HAO1: variants seen among roughly 807,000 people sequenced by gnomAD.
HAO1 encodes 2-Hydroxyacid oxidase 1.
HAO1 carries 34 observed loss-of-function variants against 39.7 expected under a neutral mutation model. That is an observed-to-expected ratio of 0.86 (90% confidence interval 0.65 to 1.14). HAO1 has a LOEUF of 1.14. Ranked by LOEUF, HAO1 falls within the 50% of genes most tolerant of loss-of-function variation. The pLI is 0.00. For synonymous variants in HAO1, 172 were observed against 173.2 expected, an observed-to-expected ratio of 0.99 and a Z score of 0.05; for missense variants, 479 against 464.5, an observed-to-expected ratio of 1.03 and a Z score of -0.29.
At chr20:7,936,673 A>G (rs2050413905) in intron 1 of HAO1, among the ~76,000 whole-genome samples, 1 of 152,018 alleles carries the variant, frequency 6.6e-6, no homozygotes, top group African/African-American at 2.4e-5. Flanking sequence ...TTGGTGGCGC[A>G]GTCACTTTAG....
intron 2 of HAO1, among the ~76,000 whole-genome samples, chr20:7,933,546 A>G (rs1406740600): frequency 6.6e-6 from 1 of 152,212 alleles, no homozygotes; most frequent in Non-Finnish European, 1.5e-5. Flanking sequence ...GGAAGCTGCT[A>G]AGTCTGTCCA....
chr20:7,929,094 TGTTTC>T (rs1382386318), intron 2 of HAO1, among the ~76,000 whole-genome samples: 1 of 148,160 alleles, frequency 6.7e-6, no homozygotes, highest in Non-Finnish European at 1.5e-5. Flanking sequence ...TTTGTTTGTT[TGTTTC>T]AATTTCATCT....
chr20:7,883,959 T>G (rs1467673861), intron 7 of HAO1, among the ~76,000 whole-genome samples: 1 of 152,188 alleles, frequency 6.6e-6, no homozygotes, highest in East Asian at 1.9e-4. Context: ...AAATGCATAG[T>G]GAGGATTCAC....
chr20:7,887,130 C>A (rs1391598937), intron 5 of HAO1, among the ~76,000 whole-genome samples: 1 of 152,150 alleles, frequency 6.6e-6, no homozygotes, highest in Non-Finnish European at 1.5e-5. Context: ...TGTCATATGG[C>A]AGTAGCTAAC....
chr20:7,927,362 A>C (rs2050364146), intron 2 of HAO1, among the ~76,000 whole-genome samples: 1 of 152,170 alleles, frequency 6.6e-6, no homozygotes, highest in African/African-American at 2.4e-5. Flanking sequence ...TCTTTAAAGA[A>C]TATAAAGAAA....
In HAO1 at chr20:7,890,452, G is replaced by A. The variant is rs375220439; in HGVS notation, c.814-4588C>T. Among the ~76,000 whole-genome samples the A allele has an allele frequency of 1.3e-4, 20 of 152,246 alleles. No individual in the cohort carries two copies. The East Asian group carries it at 3.9e-3, about 29-fold the overall frequency. ...TGGTCTCGAACTCCTGACCTCAGGT[G>A]ATCTGCCCGTCTTGGCCTCCCAAAG... On this transcript the variant is annotated intron_variant, in intron 5 of 7. Coordinates refer to ENST00000378789, the MANE Select transcript of HAO1 (RefSeq NM_017545.3).
rs185772453 is a variant in HAO1, at chr20:7,940,435, T to C, written c.-13A>G. The stretch of plus-strand genomic sequence containing the variant: ...GCCGGGGGAGCATTTTCACAGGTTA[T>C]TGCTATCCCAGATGGAGTTCGTTGT... On this transcript the variant is annotated 5_prime_UTR_variant, in exon 1 of 8. Coordinates refer to ENST00000378789, the MANE Select transcript of HAO1 (RefSeq NM_017545.3). 16 of 1,593,106 alleles carry C rather than the reference T, an allele frequency of 1.0e-5. No homozygotes were observed. In the Admixed American group the frequency reaches 2.4e-4, roughly 24 times the overall value.
chr20:7,909,039 C>T (rs774255513), intron 3 of HAO1, among the ~76,000 whole-genome samples: 2 of 151,990 alleles, frequency 1.3e-5, no homozygotes, highest in Non-Finnish European at 2.9e-5. Context: ...TGGCACCCCA[C>T]CCCCATCCCA....
chr20:7,911,068 G>A (rs1012242813), intron 3 of HAO1, among the ~76,000 whole-genome samples: 9 of 152,306 alleles, frequency 5.9e-5, no homozygotes, highest in South Asian at 2.1e-4. Context: ...CAAAGGCTCC[G>A]GGGTTCCAGC....
rs778830796 is a variant in HAO1 at position 7,914,314 on chromosome 20, T to C, written c.395A>G (p.Tyr132Cys). 66 of 1,614,034 alleles carry C rather than the reference T, an allele frequency of 4.1e-5. No homozygotes were observed. The highest frequency in any genetic ancestry group is 1.7e-4 in the Middle Eastern group (1 of 6,060). ...GPEALRWLQLYIYKDREVTKK... is the reference protein window; with the variant it reads ...GPEALRWLQLCIYKDREVTKK... ...GGTGACTTCTCGGTCCTTGTAGATA[T>C]ACAGTTGCAGCCAACGAAGTGCCTC... The change falls in exon 3 of 8, where the codon TAT (tyrosine) becomes TGT (cysteine). Residue 132 changes from tyrosine (Y) to cysteine (C), a missense_variant. Physicochemically the swap from Tyr to Cys is radical, Grantham distance 194. Coordinates refer to ENST00000378789, the MANE Select transcript of HAO1 (RefSeq NM_017545.3).
At chr20:7,918,607 G>A (rs1416369310) in intron 2 of HAO1, among the ~76,000 whole-genome samples, 2 of 152,134 alleles carry the variant, frequency 1.3e-5, no homozygotes, top group Non-Finnish European at 2.9e-5. Flanking sequence ...AAACATCAGT[G>A]CCGGCAGAGC....
rs573512699 is a variant in HAO1, at chr20:7,903,888, T to C, written c.721+2266A>G. Among the ~76,000 whole-genome samples the C allele has an allele frequency of 1.2e-3, 172 of 138,056 alleles. 2 individuals are homozygous for C. Among genetic ancestry groups the C allele is most frequent in the African/African-American group, 4.2e-3 (160 of 38,014 alleles). 90.6% of individuals were successfully genotyped at this position (138,056 alleles called of 152,430 possible). On this transcript the variant is annotated intron_variant, in intron 4 of 7. Coordinates refer to ENST00000378789, the MANE Select transcript of HAO1 (RefSeq NM_017545.3). ...GTGGTGGTGGTGGTGGTGGTGGTGGTGGTGGTGGTGGTGGCAGTGGTCCTA... is the reference window on the plus strand; with the variant it reads ...GTGGTGGTGGTGGTGGTGGTGGTGGCGGTGGTGGTGGTGGCAGTGGTCCTA...
At chr20:7,887,290 G>A (rs1164483886) in intron 5 of HAO1, among the ~76,000 whole-genome samples, 1 of 152,182 alleles carries the variant, frequency 6.6e-6, no homozygotes, top group East Asian at 1.9e-4. Flanking sequence ...TAAAATGTAT[G>A]CTGAGGAAGC....
chr20:7,883,589 A>C lies in HAO1; in HGVS notation c.*4T>G. 1 of 1,605,276 alleles carries C rather than the reference A, an allele frequency of 6.2e-7. No individual in the cohort carries two copies. The highest frequency in any genetic ancestry group is 8.5e-7 in the Non-Finnish European group (1 of 1,172,008). ...TAATACAGATGGGAAAATATTGTGCACTGTCAGATCTTGGAAACGGCCAAA... is the reference window on the plus strand; with the variant it reads ...TAATACAGATGGGAAAATATTGTGCCCTGTCAGATCTTGGAAACGGCCAAA... On this transcript the variant is annotated 3_prime_UTR_variant, in exon 8 of 8. Transcript: ENST00000378789.
At chr20:7,891,736 C>A (rs1358241730) in intron 5 of HAO1, among the ~76,000 whole-genome samples, 1 of 152,190 alleles carries the variant, frequency 6.6e-6, no homozygotes, top group African/African-American at 2.4e-5. Context: ...AAAAGCCCTT[C>A]TAGACGTGTC....
At chr20:7,935,185 AGTTT>A (rs937599707) in intron 1 of HAO1, among the ~76,000 whole-genome samples, 1 of 152,182 alleles carries the variant, frequency 6.6e-6, no homozygotes, top group African/African-American at 2.4e-5. Context: ...ACGTGTCAAT[AGTTT>A]GTTCCTTTTG....
At position 7,891,812 on chromosome 20, in the gene HAO1, AG is replaced by A. The variant is rs202126747; in HGVS notation, c.813+3320del. ...GCTATTTTTCCCTTAAAATCTAGTT[AG>A]ATTTGATTTCAGTAGATTTATATTT... On this transcript the variant is annotated intron_variant, in intron 5 of 7. Coordinates refer to ENST00000378789, the MANE Select transcript of HAO1 (RefSeq NM_017545.3). Among the ~76,000 whole-genome samples the A allele has an allele frequency of 9.3e-4, 141 of 152,304 alleles. 1 individual carries two copies. The East Asian group carries it at 0.024, about 26-fold the overall frequency.
intron 2 of HAO1, among the ~76,000 whole-genome samples, chr20:7,921,614 A>G (rs986577429): frequency 6.6e-6 from 1 of 152,108 alleles, no homozygotes; most frequent in Admixed American, 6.6e-5. Context: ...GTATATTCCC[A>G]AAGGACAATA....
At chr20:7,909,054 A>G (rs1424288514) in intron 3 of HAO1, among the ~76,000 whole-genome samples, 1 of 152,064 alleles carries the variant, frequency 6.6e-6, no homozygotes, top group African/African-American at 2.4e-5. Context: ...ATCCCAAACA[A>G]GCTCCAGTGT....
Sources: gnomAD v4.1 joint callset for allele counts (sites outside exome capture counted in the v4.1 genomes callset) on GRCh38, gnomAD v4.1.1 for gene constraint, MANE v1.5 for transcripts, NCBI Gene and HGNC (gene_info 2026-07-23, HGNC 2026-07-21) for gene names.